The following PRELID2 variants were observed in gnomAD, a reference collection of about 807,000 sequenced individuals.
The protein encoded by PRELID2 is PRELI domain containing 2, also known as PRELI domain-containing protein 2.
A neutral mutation model predicts 28.4 loss-of-function variants in PRELID2; 25 were observed. The ratio of observed to expected loss-of-function variants is 0.88; its 90% CI spans 0.64 to 1.23. PRELID2 has a LOEUF of 1.23. Ranked by LOEUF, PRELID2 falls within the 50% of genes most tolerant of loss-of-function variation. The probability of loss-of-function intolerance (pLI) is 0.00; values close to 1 mark genes in which losing one functional copy is unlikely to be tolerated. For missense variants in PRELID2, 201 were observed against 214.4 expected, an observed-to-expected ratio of 0.94 and a Z score of 0.39; for synonymous variants, 76 against 71.6, an observed-to-expected ratio of 1.06 and a Z score of -0.31.
intron 1 of PRELID2, among the ~76,000 whole-genome samples, chr5:145,695,496 A>AT (rs1427073338): frequency 6.6e-6 from 1 of 152,202 alleles, no homozygotes; most frequent in African/African-American, 2.4e-5. Flanking sequence ...GTCTTGGTCA[A>AT]TTTCCAGTGC....
At chr5:145,554,648 C>A (rs1315963579) in intron 1 of PRELID2, among the ~76,000 whole-genome samples, 2 of 152,192 alleles carry the variant, frequency 1.3e-5, no homozygotes. Context: ...TGTAATAGGG[C>A]TGTGTTGTTG....
Position 145,590,102 on chromosome 5 carries a change from C to T in PRELID2, n.71-116787G>A, listed in dbSNP as rs115722944. Among the ~76,000 whole-genome samples the T allele has an allele frequency of 3.2e-3, 490 of 152,222 alleles. 1 individual carries two copies. Among genetic ancestry groups the T allele is most frequent in the African/African-American group, 0.011 (468 of 41,552 alleles). On this transcript the variant is annotated intron_variant and non_coding_transcript_variant, in intron 1 of 2. Transcript: ENST00000510259. ...TCTCTGCTTATCTTTCCAACTTTAC[C>T]TCCTTTCTCCCTACATTTAGAGCTC...
the PRELID2 span, among the ~76,000 whole-genome samples, chr5:145,241,517 G>A: frequency 2.6e-5 from 4 of 152,106 alleles, no homozygotes; most frequent in African/African-American, 9.6e-5. Context: ...TAATAGAATT[G>A]CCTATTGTTA....
At chr5:145,253,406 A>C in the PRELID2 span, among the ~76,000 whole-genome samples, 3 of 152,168 alleles carry the variant, frequency 2.0e-5, no homozygotes, top group African/African-American at 7.2e-5. Flanking sequence ...TAGATGAAAC[A>C]ATCTGAGAAA....
At chr5:145,609,072 AT>A (rs1054648769) in intron 1 of PRELID2, among the ~76,000 whole-genome samples, 11 of 152,212 alleles carry the variant, frequency 7.2e-5, no homozygotes, top group African/African-American at 2.7e-4. Flanking sequence ...TTGCAATTAT[AT>A]TATGAAATTC....
chr5:145,803,459 C>T (rs750992604), intron 4 of PRELID2, among the ~76,000 whole-genome samples: 8 of 152,034 alleles, frequency 5.3e-5, no homozygotes, highest in Non-Finnish European at 1.0e-4. Flanking sequence ...GGAACGAAGG[C>T]GCGGCTCCTG....
At chr5:145,498,935 A>C (rs537252542) in intron 1 of PRELID2, among the ~76,000 whole-genome samples, 1 of 152,306 alleles carries the variant, frequency 6.6e-6, no homozygotes, top group Admixed American at 6.5e-5. Flanking sequence ...CCATTACTGA[A>C]AACATGAAAT....
chr5:145,827,796 C>T lies in PRELID2; in HGVS notation c.76-4662G>A, dbSNP rs189939513. On this transcript the variant is annotated intron_variant, in intron 1 of 6. Transcript: ENST00000683046. ...GAAATGCAAGGAAAGACTGAGGAACCGTCCTACACTGCAGGACACTGGCAG... is the reference window on the plus strand; with the variant it reads ...GAAATGCAAGGAAAGACTGAGGAACTGTCCTACACTGCAGGACACTGGCAG... 3.9e-5 allele frequency among the ~76,000 whole-genome samples: 6 copies of T among 152,254 alleles called. No individual in the cohort carries two copies. In the East Asian group the frequency reaches 5.8e-4, roughly 15 times the overall value.
chr5:145,558,626 C>G (rs932827929), intron 1 of PRELID2, among the ~76,000 whole-genome samples: 4 of 152,142 alleles, frequency 2.6e-5, no homozygotes, highest in East Asian at 3.9e-4. Context: ...TCAAGCCATG[C>G]CTTAGAGCAT....
At position 145,758,194 on chromosome 5, in the gene PRELID2, G is replaced by C. The variant is rs1757317884; in HGVS notation, c.*2342C>G. ...TTTTTTTTAATTCTGTCTTTTCTTA[G>C]AAAATTGGAAATAGGAAATACTAAA... On this transcript the variant is annotated 3_prime_UTR_variant, in exon 7 of 7. Transcript: ENST00000683046. Among the ~76,000 whole-genome samples the C allele has an allele frequency of 6.6e-6, 1 of 151,544 alleles. No homozygotes were observed. The highest frequency in any genetic ancestry group is 2.4e-5 in the African/African-American group (1 of 41,210).
intron 1 of PRELID2, among the ~76,000 whole-genome samples, chr5:145,692,296 A>G (rs1755166620): frequency 6.6e-6 from 1 of 152,162 alleles, no homozygotes; most frequent in Non-Finnish European, 1.5e-5. Context: ...GTTGCAGTCG[A>G]TGGGACAGGA....
At chr5:145,634,716 C>T (rs1753977381) in intron 1 of PRELID2, among the ~76,000 whole-genome samples, 1 of 152,192 alleles carries the variant, frequency 6.6e-6, no homozygotes, top group African/African-American at 2.4e-5. Flanking sequence ...CTTTCTTCCT[C>T]ACTAGAAACT....
At chr5:145,443,514 A>G in the PRELID2 span, among the ~76,000 whole-genome samples, 2 of 152,136 alleles carry the variant, frequency 1.3e-5, no homozygotes, top group Non-Finnish European at 2.9e-5. Flanking sequence ...AAGACAACTG[A>G]GCTGTATTGA....
chr5:145,410,957 T>C, the PRELID2 span, among the ~76,000 whole-genome samples: 1 of 152,002 alleles, frequency 6.6e-6, no homozygotes, highest in Admixed American at 6.6e-5. Context: ...AGTTACATCC[T>C]AGATACAATG....
chr5:145,377,169 T>A, the PRELID2 span, among the ~76,000 whole-genome samples: 1 of 152,212 alleles, frequency 6.6e-6, no homozygotes, highest in Non-Finnish European at 1.5e-5. Context: ...CAAGAGAAGG[T>A]TATTCAATTT....
the PRELID2 span, among the ~76,000 whole-genome samples, chr5:145,274,992 T>C: frequency 2.6e-5 from 4 of 152,306 alleles, no homozygotes; most frequent in Middle Eastern, 6.8e-3. Context: ...GTCCTCACTC[T>C]GTCTCTGTTT....
intron 1 of PRELID2, among the ~76,000 whole-genome samples, chr5:145,747,960 C>G (rs372941704): frequency 4.6e-5 from 7 of 152,108 alleles, no homozygotes; most frequent in Non-Finnish European, 8.8e-5. Flanking sequence ...ATTCAACATC[C>G]CTTCATGTTA....
chr5:145,414,243 C>A, the PRELID2 span, among the ~76,000 whole-genome samples: 1 of 152,160 alleles, frequency 6.6e-6, no homozygotes, highest in East Asian at 1.9e-4. Flanking sequence ...AATTCAAAAT[C>A]TCTGGCCACA....
At chr5:145,431,239 T>C in the PRELID2 span, among the ~76,000 whole-genome samples, 1 of 152,160 alleles carries the variant, frequency 6.6e-6, no homozygotes, top group African/African-American at 2.4e-5. Flanking sequence ...AATGAAATAA[T>C]TGTGAACAGT....
Sources: gnomAD v4.1 joint callset for allele counts (sites outside exome capture counted in the v4.1 genomes callset) on GRCh38, gnomAD v4.1.1 for gene constraint, MANE v1.5 for transcripts, NCBI Gene and HGNC (gene_info 2026-07-23, HGNC 2026-07-21) for gene names.